Variants in PPM1D observed in about 807,000 individuals in gnomAD.
PPM1D encodes the protein protein phosphatase 1D.
In PPM1D, 52 loss-of-function variants were observed where a neutral mutation model predicts 58.3. That is an observed-to-expected ratio of 0.89 (90% CI 0.71 to 1.12). The LOEUF (loss-of-function observed/expected upper bound fraction) is 1.12. Ranked by LOEUF, PPM1D falls within the 50% of genes most tolerant of loss-of-function variation. The probability of loss-of-function intolerance (pLI) is 0.00; values close to 1 mark genes in which losing one functional copy is unlikely to be tolerated. For synonymous variants in PPM1D, 278 were observed against 285.1 expected (o/e 0.98, Z 0.25); for missense variants, 564 against 777.2 (o/e 0.73, Z 3.26).
At position 60,633,245 on chromosome 17, in the gene PPM1D, A is replaced by G. The variant is rs552728507; in HGVS notation, c.702-608A>G. On this transcript the variant is annotated intron_variant, in intron 2 of 5. Transcript: ENST00000305921. ...GGTTGTGGTGAGCTGAGATCACACC[A>G]TTGTGCTCCAGCTTGGGCAACAGAG... 9.8e-4 allele frequency among the ~76,000 whole-genome samples: 150 copies of G among 152,300 alleles called. 1 individual carries two copies. Among genetic ancestry groups the G allele is most frequent in the Admixed American group, 2.1e-3 (32 of 15,300 alleles).
chr17:60,663,295 A>G lies in PPM1D; in HGVS notation c.1561A>G (p.Met521Val), dbSNP rs2031562400. 1 of 1,614,108 alleles carries G rather than the reference A, an allele frequency of 6.2e-7. No homozygotes were observed. Among genetic ancestry groups the G allele is most frequent in the African/African-American group, 1.3e-5 (1 of 74,950 alleles). ...KNLKMSTPGQ[M>V]KAQEIERTPP... ...TTTGAAGATGTCAACTCCTGGCCAAATGAAAGCCCAAGAAATTGAAAGAAC... is the reference window on the plus strand; with the variant it reads ...TTTGAAGATGTCAACTCCTGGCCAAGTGAAAGCCCAAGAAATTGAAAGAAC... Residue 521 changes from methionine (M) to valine (V), a missense_variant, in exon 6 of 6, where the codon ATG (methionine) becomes GTG (valine). Met to Val is a conservative substitution (Grantham distance 21). Coordinates refer to ENST00000305921, the MANE Select transcript of PPM1D (RefSeq NM_003620.4).
chr17:60,643,504 TATA>T (rs904103253), intron 3 of PPM1D, among the ~76,000 whole-genome samples: 84 of 152,296 alleles, frequency 5.5e-4, no homozygotes, highest in African/African-American at 1.8e-3. Flanking sequence ...TTATAACCGT[TATA>T]ATAATTGATT....
At chr17:60,640,034 T>A (rs894473028) in intron 3 of PPM1D, among the ~76,000 whole-genome samples, 2 of 152,282 alleles carry the variant, frequency 1.3e-5, no homozygotes. Context: ...AATAATCATG[T>A]TTGGCTGGAT....
intron 1 of PPM1D, among the ~76,000 whole-genome samples, chr17:60,620,360 TTATA>T: frequency 6.6e-6 from 1 of 152,202 alleles, no homozygotes; most frequent in Non-Finnish European, 1.5e-5. Flanking sequence ...TATGATTTCC[TTATA>T]TATTTTGGAT....
At chr17:60,637,403 G>A (rs965686107) in intron 3 of PPM1D, among the ~76,000 whole-genome samples, 2 of 152,092 alleles carry the variant, frequency 1.3e-5, no homozygotes, top group Admixed American at 6.6e-5. Context: ...ACTGTGCCCC[G>A]CTCCTACTCA....
rs749755269 is a variant in PPM1D, at chr17:60,633,910, C to A, written c.759C>A (p.His253Gln). The A allele has an allele frequency of 6.2e-7, 1 of 1,613,870 alleles. No homozygotes were observed. Among genetic ancestry groups the A allele is most frequent in the Non-Finnish European group, 8.5e-7 (1 of 1,179,822 alleles). ...RVVWKRPRLT[H>Q]NGPVRRSTVI... The stretch of plus-strand genomic sequence containing the variant: ...TTTGGAAACGACCTCGACTCACTCA[C>A]AATGGACCTGTTAGAAGGAGCACAG... The change falls in exon 3 of 6, where the codon CAC (histidine) becomes CAA (glutamine). Residue 253 changes from histidine to glutamine, a missense_variant. Coordinates refer to ENST00000305921, the MANE Select transcript of PPM1D (RefSeq NM_003620.4).
intron 4 of PPM1D, among the ~76,000 whole-genome samples, chr17:60,652,638 G>C (rs1357179516): frequency 2.7e-5 from 4 of 148,768 alleles, no homozygotes; most frequent in African/African-American, 7.5e-5. Context: ...TAACACTGAG[G>C]GTTCCCCTTT....
intron 3 of PPM1D, among the ~76,000 whole-genome samples, chr17:60,644,114 A>T (rs1434530510): frequency 6.6e-6 from 1 of 151,750 alleles, no homozygotes; most frequent in Non-Finnish European, 1.5e-5. Flanking sequence ...GTTGACCTCA[A>T]GTGATCCACC....
intron 3 of PPM1D, among the ~76,000 whole-genome samples, chr17:60,646,332 T>C (rs774079807): frequency 6.6e-6 from 1 of 152,216 alleles, no homozygotes; most frequent in Non-Finnish European, 1.5e-5. Context: ...TTCTTTGGAC[T>C]CTGAGCATGT....
intron 2 of PPM1D, among the ~76,000 whole-genome samples, chr17:60,628,833 A>C (rs532863874): frequency 3.5e-4 from 53 of 151,630 alleles, no homozygotes; most frequent in Non-Finnish European, 6.3e-4. Flanking sequence ...GTAACCTGCC[A>C]GGGGCCCCTA....
intron 4 of PPM1D, 152 bp downstream of exon 4, chr17:60,648,234 C>A: frequency 1.4e-6 from 1 of 713,124 alleles, no homozygotes; most frequent in Non-Finnish European, 2.2e-6. Context: ...CTTTGTAGCT[C>A]CTAATCATTA....
At chr17:60,625,120 C>T (rs955884630) in intron 2 of PPM1D, among the ~76,000 whole-genome samples, 2 of 151,902 alleles carry the variant, frequency 1.3e-5, no homozygotes, top group Admixed American at 6.6e-5. Flanking sequence ...CCAGCCTGGG[C>T]GACAGAGCGA....
Position 60,663,660 on chromosome 17 carries a change from A to G in PPM1D, c.*108A>G. On this transcript the variant is annotated 3_prime_UTR_variant, in exon 6 of 6. Coordinates refer to ENST00000305921, the MANE Select transcript of PPM1D (RefSeq NM_003620.4). ...AAGGGGAGAAAATTAAAAGAAATAT[A>G]CAGTTTGACTTTTTGGAATTCAGCA... is the stretch of plus-strand genomic sequence containing the variant. 1 of 1,207,430 alleles carries G rather than the reference A, an allele frequency of 8.3e-7. No homozygotes were observed. The highest frequency in any genetic ancestry group is 1.1e-6 in the Non-Finnish European group (1 of 885,116). The allele number at this position is 1,207,430 out of a possible 1,614,324, so 74.8% of individuals were successfully genotyped here.
chr17:60,630,521 C>T (rs2143667778), intron 2 of PPM1D, among the ~76,000 whole-genome samples: 1 of 152,272 alleles, frequency 6.6e-6, no homozygotes, highest in Non-Finnish European at 1.5e-5. Flanking sequence ...TTTTGTTTTT[C>T]CAGCCTTCTG....
At chr17:60,644,566 A>G (rs1424636490) in intron 3 of PPM1D, among the ~76,000 whole-genome samples, 1 of 152,234 alleles carries the variant, frequency 6.6e-6, no homozygotes, top group Non-Finnish European at 1.5e-5. Flanking sequence ...GTAGAATAAC[A>G]TCCTCATGCT....
At chr17:60,641,076 GTC>G (rs1405430541) in intron 3 of PPM1D, among the ~76,000 whole-genome samples, 14 of 152,198 alleles carry the variant, frequency 9.2e-5, no homozygotes, top group African/African-American at 3.1e-4. Flanking sequence ...GAGTGCATGT[GTC>G]TTTTTGTAGA....
intron 1 of PPM1D, among the ~76,000 whole-genome samples, chr17:60,614,029 A>G (rs995016226): frequency 6.6e-6 from 1 of 152,208 alleles, no homozygotes; most frequent in African/African-American, 2.4e-5. Flanking sequence ...TGTGGGCGCA[A>G]GGCCCGGGAC....
At chr17:60,637,024 A>AGTGAT (rs1300574868) in intron 3 of PPM1D, among the ~76,000 whole-genome samples, 2 of 145,226 alleles carry the variant, frequency 1.4e-5, no homozygotes, top group Non-Finnish European at 3.0e-5. Flanking sequence ...GTTGGCGTGC[A>AGTGAT]GTGATGTGAT....
At chr17:60,618,177 T>C (rs1407198752) in intron 1 of PPM1D, among the ~76,000 whole-genome samples, 1 of 152,222 alleles carries the variant, frequency 6.6e-6, no homozygotes, top group Non-Finnish European at 1.5e-5. Context: ...AGGGTCTTGC[T>C]GTATTTCCCA....
Sources: gnomAD v4.1 joint callset for allele counts (sites outside exome capture counted in the v4.1 genomes callset) on GRCh38, gnomAD v4.1.1 for gene constraint, MANE v1.5 for transcripts, NCBI Gene and HGNC (gene_info 2026-07-23, HGNC 2026-07-21) for gene names.